Variants in KALRN observed in about 807,000 individuals in gnomAD.
The protein encoded by KALRN is kalirin RhoGEF kinase, also known as kalirin.
KALRN carries 70 observed loss-of-function variants against 353.7 expected under a neutral mutation model. The observed-to-expected ratio is 0.20, with a 90% confidence interval of 0.16 to 0.24. The LOEUF (loss-of-function observed/expected upper bound fraction) is 0.24, where lower values mean the gene tolerates loss of function less well. Among genes scored for constraint, KALRN ranks in the 10% least tolerant of loss-of-function variants. KALRN has a pLI of 1.00. For missense variants in KALRN, 2,791 were observed against 3,756.7 expected, an observed-to-expected ratio of 0.74 and a Z score of 6.72; for synonymous variants, 1,391 against 1,434.8, an observed-to-expected ratio of 0.97 and a Z score of 0.69.
intron 38 of KALRN, among the ~76,000 whole-genome samples, chr3:124,652,649 T>C (rs958810749): frequency 6.6e-6 from 1 of 152,072 alleles, no homozygotes; most frequent in Non-Finnish European, 1.5e-5. Flanking sequence ...CTATCTCGGC[T>C]CACTGCAAGC....
intron 34 of KALRN, among the ~76,000 whole-genome samples, chr3:124,592,309 CAAAAAAAAAAAAA>C (rs10575664): frequency 8.3e-6 from 1 of 120,648 alleles, no homozygotes; most frequent in Admixed American, 8.8e-5. Context: ...CTCAAAGAAA[CAAAAAAAAAAAAA>C]AAAAAAAGAA....
chr3:124,263,499 G>A (rs1239495503), intron 3 of KALRN, among the ~76,000 whole-genome samples: 1 of 152,052 alleles, frequency 6.6e-6, no homozygotes, highest in Non-Finnish European at 1.5e-5. Flanking sequence ...ATCATTTGAA[G>A]CCAGGAGTTT....
At chr3:124,081,661 T>G (rs1216941328) in intron 1 of KALRN, among the ~76,000 whole-genome samples, 9 of 152,058 alleles carry the variant, frequency 5.9e-5, no homozygotes, top group Non-Finnish European at 4.4e-5. Flanking sequence ...GTCCAGCTAC[T>G]CAGGAGGCCG....
At chr3:124,578,334 C>T (rs1280688709) in intron 34 of KALRN, among the ~76,000 whole-genome samples, 3 of 152,102 alleles carry the variant, frequency 2.0e-5, no homozygotes, top group Non-Finnish European at 2.9e-5. Flanking sequence ...TTAGCCATCC[C>T]GATATCAGCA....
intron 33 of KALRN, chr3:124,519,176 G>T (rs970930999): frequency 1.0e-6 from 1 of 984,948 alleles, no homozygotes; most frequent in African/African-American, 1.7e-5. Flanking sequence ...TTTGCTTCAG[G>T]TTATCCTGTT....
At chr3:124,373,883 G>A (rs1348356402) in intron 10 of KALRN, among the ~76,000 whole-genome samples, 1 of 152,146 alleles carries the variant, frequency 6.6e-6, no homozygotes, top group Non-Finnish European at 1.5e-5. Context: ...ACCCACAAGA[G>A]CCCCACAAGC....
intron 5 of KALRN, among the ~76,000 whole-genome samples, chr3:124,278,879 C>G (rs768784595): frequency 2.0e-5 from 3 of 152,118 alleles, no homozygotes; most frequent in Non-Finnish European, 2.9e-5. Flanking sequence ...GGGTAGGAAG[C>G]TTTCCCAAGG....
At chr3:124,605,365 G>C (rs950213710) in intron 34 of KALRN, among the ~76,000 whole-genome samples, 28 of 151,248 alleles carry the variant, frequency 1.9e-4, no homozygotes, top group Admixed American at 1.8e-3. Context: ...TTGAGGTCAG[G>C]AGTTCAAGAC....
At chr3:124,345,214 AT>A (rs988718707) in intron 9 of KALRN, among the ~76,000 whole-genome samples, 2 of 152,204 alleles carry the variant, frequency 1.3e-5, no homozygotes, top group African/African-American at 4.8e-5. Flanking sequence ...TCAAACCTCA[AT>A]TTGTTTTCAA....
At chr3:124,538,785 C>T (rs2068750774) in intron 33 of KALRN, among the ~76,000 whole-genome samples, 1 of 152,200 alleles carries the variant, frequency 6.6e-6, no homozygotes, top group Admixed American at 6.5e-5. Flanking sequence ...GCATCTCCAC[C>T]TTGTAATTCT....
intron 1 of KALRN, among the ~76,000 whole-genome samples, chr3:124,084,965 C>T (rs2060731648): frequency 1.3e-5 from 2 of 152,296 alleles, no homozygotes; most frequent in South Asian, 4.2e-4. Flanking sequence ...CTCAGACACC[C>T]CACATCTTCA....
At chr3:124,500,913 T>C (rs1232675873) in intron 33 of KALRN, among the ~76,000 whole-genome samples, 1 of 152,220 alleles carries the variant, frequency 6.6e-6, no homozygotes, top group Non-Finnish European at 1.5e-5. Context: ...TATAGAATTC[T>C]AGCCAAGCAG....
At chr3:124,403,466 C>T (rs773986452) in intron 13 of KALRN, among the ~76,000 whole-genome samples, 2 of 152,104 alleles carry the variant, frequency 1.3e-5, no homozygotes, top group African/African-American at 2.4e-5. Flanking sequence ...TCTTTTAAAT[C>T]TCTAACTGTG....
At chr3:124,575,006 T>G (rs1258294219) in intron 34 of KALRN, among the ~76,000 whole-genome samples, 1 of 152,214 alleles carries the variant, frequency 6.6e-6, no homozygotes, top group Non-Finnish European at 1.5e-5. Flanking sequence ...ACCGAGGATC[T>G]ATGTGGGGGT....
chr3:124,394,316 T>A (rs2089885219), intron 11 of KALRN, among the ~76,000 whole-genome samples: 1 of 152,194 alleles, frequency 6.6e-6, no homozygotes, highest in Non-Finnish European at 1.5e-5. Context: ...CATCTTCCCC[T>A]CTCTCATTTA....
intron 11 of KALRN, among the ~76,000 whole-genome samples, chr3:124,388,770 A>C (rs919053188): frequency 6.6e-6 from 1 of 152,120 alleles, no homozygotes; most frequent in African/African-American, 2.4e-5. Flanking sequence ...TTATTAGAAG[A>C]CAGAAATGAG....
chr3:124,035,240 TCATACACACACAGCC>T (rs1348382160), intron 1 of KALRN, among the ~76,000 whole-genome samples: 1 of 151,920 alleles, frequency 6.6e-6, no homozygotes. Flanking sequence ...TCTCTCTCTC[TCATACACACACAGCC>T]CAGCACCCAA....
At chr3:124,166,395 G>T (rs2070852967) in intron 1 of KALRN, among the ~76,000 whole-genome samples, 1 of 152,178 alleles carries the variant, frequency 6.6e-6, no homozygotes, top group South Asian at 2.1e-4. Flanking sequence ...TGCTTCATGA[G>T]TGATGTTTCA....
intron 13 of KALRN, among the ~76,000 whole-genome samples, chr3:124,410,629 A>G (rs1274549853): frequency 6.6e-6 from 1 of 152,238 alleles, no homozygotes; most frequent in East Asian, 1.9e-4. Context: ...AATACAACTT[A>G]AAACCATGAT....
Sources: gnomAD v4.1 joint callset for allele counts (sites outside exome capture counted in the v4.1 genomes callset) on GRCh38, gnomAD v4.1.1 for gene constraint, MANE v1.5 for transcripts, NCBI Gene and HGNC (gene_info 2026-07-23, HGNC 2026-07-21) for gene names.